Variants in GABBR2 observed in about 807,000 individuals in gnomAD.
The protein encoded by GABBR2 is gamma-aminobutyric acid type B receptor subunit 2, also known as G-protein coupled receptor 51.
A neutral mutation model predicts 105.6 loss-of-function variants in GABBR2; 23 were observed. The observed-to-expected ratio is 0.22, with a 90% CI of 0.16 to 0.31. The LOEUF is 0.31. Among genes scored for constraint, GABBR2 ranks in the 10% least tolerant of loss-of-function variants. GABBR2 has a pLI of 1.00. For missense variants in GABBR2, 734 were observed against 1,245.5 expected, an observed-to-expected ratio of 0.59 and a Z score of 6.18; for synonymous variants, 478 against 499.7, an observed-to-expected ratio of 0.96 and a Z score of 0.58.
At chr9:98,457,078 A>G (rs1450058895) in intron 6 of GABBR2, among the ~76,000 whole-genome samples, 1 of 152,260 alleles carries the variant, frequency 6.6e-6, no homozygotes, top group Non-Finnish European at 1.5e-5. Context: ...CCATTTTAAA[A>G]GGATTTAAAC....
intron 2 of GABBR2, among the ~76,000 whole-genome samples, chr9:98,550,912 G>A (rs1828476054): frequency 6.6e-6 from 1 of 151,864 alleles, no homozygotes; most frequent in Non-Finnish European, 1.5e-5. Flanking sequence ...CTGGGGGACA[G>A]GATTTTTGTT....
At chr9:98,576,501 G>A (rs907745681) in intron 2 of GABBR2, among the ~76,000 whole-genome samples, 7 of 152,022 alleles carry the variant, frequency 4.6e-5, no homozygotes, top group African/African-American at 9.7e-5. Flanking sequence ...TTCTGTCATC[G>A]CCAAGTTTCC....
chr9:98,643,642 C>T (rs1317177338), intron 1 of GABBR2, among the ~76,000 whole-genome samples: 1 of 152,160 alleles, frequency 6.6e-6, no homozygotes, highest in South Asian at 2.1e-4. Flanking sequence ...TGGAAAGAAA[C>T]CCATATTTTC....
chr9:98,423,749 TAA>T (rs1485467129), intron 7 of GABBR2, among the ~76,000 whole-genome samples: 2 of 151,778 alleles, frequency 1.3e-5, no homozygotes, highest in East Asian at 1.9e-4. Flanking sequence ...GTGTAACGTT[TAA>T]GTCTTTAATC....
intron 13 of GABBR2, among the ~76,000 whole-genome samples, chr9:98,355,086 G>C (rs1262948450): frequency 6.6e-6 from 1 of 152,064 alleles, no homozygotes. Flanking sequence ...GGCAAGGAGA[G>C]GAAGAGAGAT....
At chr9:98,703,196 G>A (rs1421943106) in intron 1 of GABBR2, among the ~76,000 whole-genome samples, 1 of 152,238 alleles carries the variant, frequency 6.6e-6, no homozygotes, top group Non-Finnish European at 1.5e-5. Flanking sequence ...CACATGGGGA[G>A]AGCCTGCCTG....
intron 13 of GABBR2, among the ~76,000 whole-genome samples, chr9:98,315,524 G>A (rs1830699999): frequency 6.6e-6 from 1 of 152,202 alleles, no homozygotes; most frequent in South Asian, 2.1e-4. Context: ...CCACAAAGCA[G>A]ACTGTACAAG....
chr9:98,438,257 C>T (rs1425022550), intron 7 of GABBR2, among the ~76,000 whole-genome samples: 2 of 152,232 alleles, frequency 1.3e-5, no homozygotes, highest in Middle Eastern at 3.4e-3. Context: ...ATCACTCATT[C>T]GCCATTCACT....
At chr9:98,321,937 C>G (rs1830829681) in intron 13 of GABBR2, among the ~76,000 whole-genome samples, 1 of 152,158 alleles carries the variant, frequency 6.6e-6, no homozygotes, top group Non-Finnish European at 1.5e-5. Flanking sequence ...TCGTCCTTCC[C>G]TGCTTTCTGC....
At chr9:98,329,877 C>A (rs919448951) in intron 13 of GABBR2, among the ~76,000 whole-genome samples, 2 of 151,818 alleles carry the variant, frequency 1.3e-5, no homozygotes, top group Non-Finnish European at 2.9e-5. Context: ...CTCTCTCTCT[C>A]TCTCACACAC....
At chr9:98,427,999 T>G (rs945577667) in intron 7 of GABBR2, among the ~76,000 whole-genome samples, 1 of 152,206 alleles carries the variant, frequency 6.6e-6, no homozygotes, top group Non-Finnish European at 1.5e-5. Context: ...TACAGCTAAG[T>G]CACTCCTGAA....
chr9:98,433,287 A>G (rs1014058536), intron 7 of GABBR2, among the ~76,000 whole-genome samples: 3 of 152,342 alleles, frequency 2.0e-5, no homozygotes, highest in African/African-American at 7.2e-5. Flanking sequence ...TGCATGCTTG[A>G]GAGAGAATCT....
chr9:98,492,264 CA>C (rs1588192732), intron 4 of GABBR2, among the ~76,000 whole-genome samples: 2 of 138,594 alleles, frequency 1.4e-5, no homozygotes, highest in East Asian at 4.6e-4. Flanking sequence ...TGTTGTAGTT[CA>C]AAAACTGTAG....
At chr9:98,683,580 C>CAAT (rs1830577815) in intron 1 of GABBR2, among the ~76,000 whole-genome samples, 1 of 152,154 alleles carries the variant, frequency 6.6e-6, no homozygotes. Flanking sequence ...TCCCCTCTGG[C>CAAT]CCAGCCAATG....
At chr9:98,597,027 A>G (rs1212890341) in intron 1 of GABBR2, among the ~76,000 whole-genome samples, 2 of 152,050 alleles carry the variant, frequency 1.3e-5, no homozygotes, top group Admixed American at 6.5e-5. Flanking sequence ...GCCCACCCCT[A>G]TGCTGTGCTC....
intron 3 of GABBR2, among the ~76,000 whole-genome samples, chr9:98,523,157 G>C (rs768772934): frequency 6.6e-6 from 1 of 152,014 alleles, no homozygotes; most frequent in Non-Finnish European, 1.5e-5. Context: ...ACCAAAACAA[G>C]AGTAAAAAAT....
At chr9:98,698,814 G>A (rs1198023143) in intron 1 of GABBR2, among the ~76,000 whole-genome samples, 1 of 151,974 alleles carries the variant, frequency 6.6e-6, no homozygotes, top group Non-Finnish European at 1.5e-5. Flanking sequence ...CACAATCTTG[G>A]TTATCTAGTT....
intron 1 of GABBR2, among the ~76,000 whole-genome samples, chr9:98,592,343 C>T (rs1829158872): frequency 6.6e-6 from 1 of 152,244 alleles, no homozygotes; most frequent in African/African-American, 2.4e-5. Flanking sequence ...TCAATTTATA[C>T]ATATCCAGCT....
intron 8 of GABBR2, among the ~76,000 whole-genome samples, chr9:98,399,216 C>T (rs997806978): frequency 3.9e-5 from 6 of 152,022 alleles, no homozygotes; most frequent in Middle Eastern, 3.4e-3. Flanking sequence ...TAGCCAGGCA[C>T]GGTGGCACGT....
Sources: allele counts gnomAD v4.1 joint callset (sites outside exome capture counted in the v4.1 genomes callset), GRCh38; gene constraint gnomAD v4.1.1; transcripts MANE v1.5; gene names NCBI Gene and HGNC (gene_info 2026-07-23, HGNC 2026-07-21).